The following DLGAP2 variants were observed in gnomAD, a reference collection of about 807,000 sequenced individuals.
DLGAP2 encodes DLG associated protein 2.
In DLGAP2, 26 loss-of-function variants were observed where a neutral mutation model predicts 100.3. The ratio of observed to expected loss-of-function variants is 0.26; its 90% confidence interval spans 0.19 to 0.36. DLGAP2 has a LOEUF of 0.36. Among genes scored for constraint, DLGAP2 ranks in the 10% least tolerant of loss-of-function variants. The pLI is 1.00. For synonymous variants in DLGAP2, 886 were observed against 630.1 expected, an observed-to-expected ratio of 1.41 and a Z score of -6.08; for missense variants, 1,858 against 1,453.2, an observed-to-expected ratio of 1.28 and a Z score of -4.53.
At chr8:1,269,462 C>T (rs779264046) in intron 3 of DLGAP2, among the ~76,000 whole-genome samples, 3 of 152,194 alleles carry the variant, frequency 2.0e-5, no homozygotes, top group Non-Finnish European at 4.4e-5. Flanking sequence ...CTTGTGTTTA[C>T]ACATTTGAGC....
At chr8:1,141,928 A>G (rs1796528717) in intron 2 of DLGAP2, among the ~76,000 whole-genome samples, 2 of 152,168 alleles carry the variant, frequency 1.3e-5, no homozygotes, top group Non-Finnish European at 2.9e-5. Flanking sequence ...ATAATTTTTA[A>G]GCATGCTATA....
chr8:1,384,022 C>G (rs12679871), intron 3 of DLGAP2, among the ~76,000 whole-genome samples: 80,577 of 151,982 alleles, frequency 0.53, 21,736 homozygotes, highest in East Asian at 0.71. Context: ...GTGACCCCAA[C>G]AAGAAAGGGG....
chr8:940,983 G>T (rs1476064937), intron 2 of DLGAP2, among the ~76,000 whole-genome samples: 1 of 152,136 alleles, frequency 6.6e-6, no homozygotes, highest in African/African-American at 2.4e-5. Context: ...ACAGTTCAGG[G>T]ATGCCCCCAC....
intron 1 of DLGAP2, among the ~76,000 whole-genome samples, chr8:816,886 A>C (rs935350997): frequency 1.7e-4 from 26 of 152,338 alleles, no homozygotes; most frequent in African/African-American, 6.0e-4. Context: ...CACAGTCCCA[A>C]ACTTCTTAGA....
intron 3 of DLGAP2, among the ~76,000 whole-genome samples, chr8:1,431,741 C>A (rs1797448633): frequency 6.9e-6 from 1 of 144,210 alleles, no homozygotes; most frequent in Admixed American, 6.8e-5. Context: ...GGGCAGCTTA[C>A]TCAGCCTTCC....
chr8:919,480 G>A (rs115065652), intron 2 of DLGAP2, among the ~76,000 whole-genome samples: 103 of 152,306 alleles, frequency 6.8e-4, no homozygotes, highest in African/African-American at 2.4e-3. Context: ...CTGCTGATGA[G>A]CTCCAAGGAA....
At chr8:1,251,789 C>T (rs975278019) in intron 2 of DLGAP2, among the ~76,000 whole-genome samples, 1 of 152,182 alleles carries the variant, frequency 6.6e-6, no homozygotes, top group African/African-American at 2.4e-5. Flanking sequence ...TTGTGGTGTC[C>T]CACAGTCACG....
At position 1,076,858 on chromosome 8, in the gene DLGAP2, C is replaced by A. The variant is rs1428415783; in HGVS notation, c.73+168892C>A. Among the ~76,000 whole-genome samples, 5 of 149,224 alleles carry A rather than the reference C, an allele frequency of 3.4e-5. 1 individual carries two copies. The highest frequency in any genetic ancestry group is 1.2e-4 in the African/African-American group (5 of 40,212). ...ACCAAGAGGGGGAGGAGGAGTCTGT[C>A]CTGGGCCCCCCCAATACCAAGAGGG... On this transcript the variant is annotated intron_variant, in intron 2 of 14. Coordinates refer to ENST00000637795, the MANE Select transcript of DLGAP2 (RefSeq NM_001346810.2).
At chr8:1,230,502 A>G (rs1248756678) in intron 2 of DLGAP2, among the ~76,000 whole-genome samples, 1 of 152,208 alleles carries the variant, frequency 6.6e-6, no homozygotes, top group African/African-American at 2.4e-5. Context: ...CAGAACTAGA[A>G]AAAAACTATT....
At chr8:941,621 C>A (rs1799198085) in intron 2 of DLGAP2, among the ~76,000 whole-genome samples, 1 of 152,176 alleles carries the variant, frequency 6.6e-6, no homozygotes, top group African/African-American at 2.4e-5. Flanking sequence ...AGATCTAATT[C>A]TCAGGAAGTG....
At chr8:1,074,699 G>A (rs548790981) in intron 2 of DLGAP2, among the ~76,000 whole-genome samples, 1 of 152,352 alleles carries the variant, frequency 6.6e-6, no homozygotes, top group African/African-American at 2.4e-5. Context: ...GGGAAAGGAA[G>A]AGAGCATTTC....
intron 1 of DLGAP2, chr8:822,170 C>G (rs1479771883): frequency 1.3e-5 from 5 of 399,468 alleles, no homozygotes; most frequent in Non-Finnish European, 4.4e-6. Flanking sequence ...TGCGCCCAGC[C>G]CAGCCACAAT....
At chr8:977,822 T>A (rs372402032) in intron 2 of DLGAP2, among the ~76,000 whole-genome samples, 687 of 36,086 alleles carry the variant, frequency 0.019, 6 homozygotes, top group Middle Eastern at 0.045. Context: ...GTCTTTGGTG[T>A]TGTGGGGAGG....
At chr8:1,129,411 A>G (rs1431844390) in intron 2 of DLGAP2, among the ~76,000 whole-genome samples, 3 of 152,130 alleles carry the variant, frequency 2.0e-5, no homozygotes, top group Non-Finnish European at 2.9e-5. Context: ...CAAAAAAAAA[A>G]AAAAAAATTT....
intron 2 of DLGAP2, among the ~76,000 whole-genome samples, chr8:1,222,075 C>G (rs577322309): frequency 6.6e-6 from 1 of 152,300 alleles, no homozygotes; most frequent in African/African-American, 2.4e-5. Context: ...AATTCCATGT[C>G]TGTTGTTTCA....
intron 2 of DLGAP2, among the ~76,000 whole-genome samples, chr8:1,241,974 A>C (rs1798806462): frequency 6.6e-6 from 1 of 152,212 alleles, no homozygotes; most frequent in African/African-American, 2.4e-5. Context: ...ACATTCCTTT[A>C]TGGCCCGAGA....
At chr8:1,379,887 C>T (rs1390561972) in intron 3 of DLGAP2, among the ~76,000 whole-genome samples, 5 of 148,520 alleles carry the variant, frequency 3.4e-5, no homozygotes, top group African/African-American at 1.2e-4. Context: ...GGGTGCCTTC[C>T]CTTCCCTCCC....
intron 2 of DLGAP2, among the ~76,000 whole-genome samples, chr8:1,064,427 A>G (rs747128007): frequency 2.0e-5 from 3 of 152,214 alleles, no homozygotes; most frequent in Non-Finnish European, 1.5e-5. Flanking sequence ...TTTGATGGAT[A>G]TATAACAAAT....
chr8:1,614,685 A>C (rs1797092346), intron 6 of DLGAP2, among the ~76,000 whole-genome samples: 1 of 152,370 alleles, frequency 6.6e-6, no homozygotes, highest in East Asian at 1.9e-4. Flanking sequence ...ACTGATATGC[A>C]GGTTGGCCAA....
Sources: allele counts gnomAD v4.1 joint callset (sites outside exome capture counted in the v4.1 genomes callset), GRCh38; gene constraint gnomAD v4.1.1; transcripts MANE v1.5; gene names NCBI Gene and HGNC (gene_info 2026-07-23, HGNC 2026-07-21).